The following POLR3B variants were observed in gnomAD, a reference collection of about 807,000 sequenced individuals.
The protein encoded by POLR3B is RNA polymerase III subunit B, also known as DNA-directed RNA polymerase III subunit RPC2.
A neutral mutation model predicts 147.4 loss-of-function variants in POLR3B; 96 were observed. That is an observed-to-expected ratio of 0.65 (90% CI 0.55 to 0.77). The LOEUF is 0.77. Among genes scored for constraint, POLR3B ranks in the 30% least tolerant of loss-of-function variants. The pLI, the probability that POLR3B is intolerant of heterozygous loss-of-function variation, is 0.00. For synonymous variants in POLR3B, 461 were observed against 485.9 expected (o/e 0.95, Z 0.67); for missense variants, 1,036 against 1,413.5 (o/e 0.73, Z 4.28).
intron 4 of POLR3B, 149 bp downstream of exon 4, chr12:106,366,871 A>T: frequency 1.5e-6 from 1 of 673,848 alleles, no homozygotes; most frequent in South Asian, 1.6e-5. Flanking sequence ...TGGGAGGCCG[A>T]GGTGGGCAAA....
At chr12:106,506,415 G>C (rs1031574749) in intron 27 of POLR3B, among the ~76,000 whole-genome samples, 2 of 151,534 alleles carry the variant, frequency 1.3e-5, no homozygotes, top group Non-Finnish European at 2.9e-5. Flanking sequence ...CCCCACCCCC[G>C]GAGAAAAAAG....
At position 106,509,388 on chromosome 12, in the gene POLR3B, G is replaced by C. The variant is rs533632569; in HGVS notation, c.3273-32G>C. On this transcript the variant is annotated intron_variant, in intron 27 of 27. Transcript: ENST00000228347. The stretch of plus-strand genomic sequence containing the variant: ...TGGAGGCCTTTGTTTCCGAGTTGCT[G>C]TCTGTCTAACGCTTGCTGACTTGCG... 9.9e-6 allele frequency: 16 copies of C among 1,612,364 alleles called. No homozygotes were observed. The South Asian group carries it at 1.6e-4, about 17-fold the overall frequency.
chr12:106,368,568 A>G (rs1247381688), intron 4 of POLR3B, among the ~76,000 whole-genome samples: 2 of 152,172 alleles, frequency 1.3e-5, no homozygotes, highest in African/African-American at 4.8e-5. Flanking sequence ...GACTATAAAT[A>G]AAGTTTCAGA....
At chr12:106,416,599 T>G (rs1383407272) in intron 12 of POLR3B, among the ~76,000 whole-genome samples, 2 of 152,188 alleles carry the variant, frequency 1.3e-5, no homozygotes, top group African/African-American at 4.8e-5. Context: ...TTTCAAAGTT[T>G]TTAAAGCATG....
At chr12:106,413,015 G>A (rs905088671) in intron 12 of POLR3B, among the ~76,000 whole-genome samples, 1 of 151,944 alleles carries the variant, frequency 6.6e-6, no homozygotes, top group South Asian at 2.1e-4. Context: ...AGGAGTTCTT[G>A]GTATATTCTG....
chr12:106,385,796 T>A (rs539333498), intron 9 of POLR3B, among the ~76,000 whole-genome samples: 14 of 152,340 alleles, frequency 9.2e-5, no homozygotes, highest in African/African-American at 3.4e-4. Context: ...AATTTTAAAC[T>A]GTTTATTGTA....
chr12:106,411,044 G>C, intron 12 of POLR3B, 84 bp downstream of exon 12: 1 of 1,333,418 alleles, frequency 7.5e-7, no homozygotes, highest in East Asian at 2.3e-5. Context: ...AGAAACATTT[G>C]AATGAAATAT....
intron 12 of POLR3B, among the ~76,000 whole-genome samples, chr12:106,424,563 CT>C (rs1163227678): frequency 6.6e-6 from 1 of 151,982 alleles, no homozygotes; most frequent in Admixed American, 6.6e-5. Flanking sequence ...ATTGTCATCC[CT>C]TTTGTTACCC....
intron 25 of POLR3B, among the ~76,000 whole-genome samples, chr12:106,498,225 A>T (rs760571008): frequency 1.3e-5 from 2 of 152,222 alleles, no homozygotes; most frequent in Non-Finnish European, 2.9e-5. Flanking sequence ...TATGTTTGAC[A>T]CTTTGCCAGG....
intron 12 of POLR3B, among the ~76,000 whole-genome samples, chr12:106,416,395 A>G (rs2037302505): frequency 6.6e-6 from 1 of 152,204 alleles, no homozygotes; most frequent in African/African-American, 2.4e-5. Flanking sequence ...GCGTCAGTAC[A>G]TTTGAATCCT....
chr12:106,483,506 T>A (rs1234137386), intron 23 of POLR3B, among the ~76,000 whole-genome samples: 1 of 152,242 alleles, frequency 6.6e-6, no homozygotes, highest in African/African-American at 2.4e-5. Context: ...AATGCTAAAT[T>A]ATATGGGAGA....
chr12:106,485,382 A>G (rs78542646), intron 23 of POLR3B, among the ~76,000 whole-genome samples: 3,328 of 152,284 alleles, frequency 0.022, 123 homozygotes, highest in African/African-American at 0.075. Flanking sequence ...AAAAATGAAT[A>G]TAAGCAAAGG....
intron 23 of POLR3B, among the ~76,000 whole-genome samples, chr12:106,483,725 A>G (rs116107777): frequency 0.018 from 2,668 of 152,232 alleles, 76 homozygotes; most frequent in African/African-American, 0.06. Context: ...CTGTAGTAGC[A>G]CTGCTCTGAT....
At chr12:106,496,532 C>T (rs2038488661) in intron 24 of POLR3B, 2 of 607,376 alleles carry the variant, frequency 3.3e-6, no homozygotes, top group Non-Finnish European at 2.9e-6. Context: ...CCTTCCCATA[C>T]TTCAGTTTCT....
rs142173896 is a variant in POLR3B, at chr12:106,389,456, A to T, written c.724-3575A>T. ...CCCTGTTAGGACATTTGAGAATTTTATGCAGTTATGAAATCACCACTTAGA... is the reference window on the plus strand; with the variant it reads ...CCCTGTTAGGACATTTGAGAATTTTTTGCAGTTATGAAATCACCACTTAGA... On this transcript the variant is annotated intron_variant, in intron 9 of 27. Transcript: ENST00000228347. Among the ~76,000 whole-genome samples, 18 of 152,346 alleles carry T rather than the reference A, an allele frequency of 1.2e-4. No homozygotes were observed. In the East Asian group the frequency reaches 3.5e-3, roughly 29 times the overall value.
chr12:106,362,580 C>T (rs959521347), intron 1 of POLR3B, among the ~76,000 whole-genome samples: 9 of 152,138 alleles, frequency 5.9e-5, no homozygotes, highest in Non-Finnish European at 1.3e-4. Flanking sequence ...CTACCTTCAT[C>T]TTCACATGGC....
At chr12:106,455,927 T>C (rs951977540) in intron 20 of POLR3B, among the ~76,000 whole-genome samples, 2 of 152,236 alleles carry the variant, frequency 1.3e-5, no homozygotes, top group Admixed American at 6.5e-5. Flanking sequence ...TGAGATTTTA[T>C]TTATAAATCC....
chr12:106,400,616 A>G (rs535729975), intron 10 of POLR3B, among the ~76,000 whole-genome samples: 6 of 152,334 alleles, frequency 3.9e-5, no homozygotes, highest in African/African-American at 1.4e-4. Context: ...AGAAATTATA[A>G]CAAACTGTCT....
chr12:106,379,570 G>T (rs1200042698), intron 8 of POLR3B, among the ~76,000 whole-genome samples: 3 of 152,168 alleles, frequency 2.0e-5, no homozygotes, highest in South Asian at 2.1e-4. Flanking sequence ...CCAACAGAAG[G>T]ATATTCCTTT....
Sources: allele counts gnomAD v4.1 joint callset (sites outside exome capture counted in the v4.1 genomes callset), GRCh38; gene constraint gnomAD v4.1.1; transcripts MANE v1.5; gene names NCBI Gene and HGNC (gene_info 2026-07-23, HGNC 2026-07-21).